CAMK2G: variants seen among roughly 807,000 people sequenced by gnomAD.
CAMK2G encodes the protein calcium/calmodulin dependent protein kinase II gamma, also known as calcium/calmodulin-dependent protein kinase type II subunit gamma.
Under a neutral mutation model 88.7 loss-of-function variants are expected in CAMK2G, and 23 were observed. That is an observed-to-expected ratio of 0.26 (90% confidence interval 0.19 to 0.37). The LOEUF is 0.37. Ranked by LOEUF, CAMK2G falls within the 10% of genes least tolerant of loss-of-function variation. The probability of loss-of-function intolerance (pLI) is 1.00; values close to 1 mark genes in which losing one functional copy is unlikely to be tolerated. For missense variants in CAMK2G, 476 were observed against 780.8 expected (o/e 0.61, Z 4.65); for synonymous variants, 263 against 294.8 (o/e 0.89, Z 1.11).
chr10:73,836,728 T>A lies in CAMK2G; in HGVS notation c.1053+740A>T, dbSNP rs531038802. Among the ~76,000 whole-genome samples the A allele has an allele frequency of 2.0e-5, 3 of 152,300 alleles. No individual in the cohort carries two copies. In the East Asian group the frequency reaches 5.8e-4, roughly 29 times the overall value. On this transcript the variant is annotated intron_variant, in intron 14 of 22. Coordinates refer to ENST00000423381, the MANE Select transcript of CAMK2G (RefSeq NM_001367534.1). ...CAAGATAGCATGAGCTCCTACCCAA[T>A]GCCCTAGCCCCAGGATCCTTTCTGC...
chr10:73,851,286 C>G (rs1398791032), intron 5 of CAMK2G, among the ~76,000 whole-genome samples: 2 of 152,304 alleles, frequency 1.3e-5, no homozygotes, highest in East Asian at 3.9e-4. Context: ...TCGAGAAAAG[C>G]AAGGCTGGGG....
At chr10:73,820,469 TA>T (rs2087666460) in intron 18 of CAMK2G, among the ~76,000 whole-genome samples, 24 of 37,636 alleles carry the variant, frequency 6.4e-4, no homozygotes, top group South Asian at 1.2e-3. Flanking sequence ...TATATTTATA[TA>T]TATATATATA....
chr10:73,873,174 A>T (rs1391588589), intron 1 of CAMK2G, 91 bp from the exon 2 acceptor site: 2 of 1,018,310 alleles, frequency 2.0e-6, no homozygotes, highest in Non-Finnish European at 3.1e-6. Flanking sequence ...TGCTCCCACC[A>T]CCAGACCTCT....
At chr10:73,820,663 ATTTTTT>A (rs1198716305) in intron 18 of CAMK2G, among the ~76,000 whole-genome samples, 42 of 46,128 alleles carry the variant, frequency 9.1e-4, no homozygotes, top group African/African-American at 4.9e-3. Context: ...CACCCGGCTA[ATTTTTT>A]TTTTTTTTTT....
chr10:73,861,474 G>C (rs576548365), intron 2 of CAMK2G, among the ~76,000 whole-genome samples: 63 of 152,292 alleles, frequency 4.1e-4, no homozygotes, highest in African/African-American at 1.5e-3. Context: ...TCCTGCCTCA[G>C]CCTCCCGAGT....
intron 14 of CAMK2G, among the ~76,000 whole-genome samples, chr10:73,835,959 C>T (rs374100453): frequency 1.3e-5 from 2 of 152,214 alleles, no homozygotes; most frequent in South Asian, 2.1e-4. Flanking sequence ...CTCAGACTCC[C>T]GAGTGGCTGG....
intron 2 of CAMK2G, among the ~76,000 whole-genome samples, chr10:73,872,266 C>A (rs2095859503): frequency 6.6e-6 from 1 of 152,102 alleles, no homozygotes; most frequent in Non-Finnish European, 1.5e-5. Context: ...GAGGATCTCG[C>A]AAGTGAGGCC....
chr10:73,859,279 G>A (rs998567409), intron 3 of CAMK2G, among the ~76,000 whole-genome samples: 3 of 152,350 alleles, frequency 2.0e-5, no homozygotes, highest in African/African-American at 4.8e-5. Flanking sequence ...CGGGCTGCAG[G>A]GGCAGCCACC....
chr10:73,848,640 G>A lies in CAMK2G; in HGVS notation c.518-31C>T, dbSNP rs774335221. ...GCAAAAGAGAGGGCAGAGGCATACT[G>A]AACCCACTTTCTCTCTCGTTAAATC... is the stretch of plus-strand genomic sequence containing the variant. On this transcript the variant is annotated intron_variant, in intron 7 of 22. Transcript: ENST00000423381. This position sits in a 1 kb window ranked among gnomAD's most constrained non-coding sequence, Gnocchi z 4.5. 1.5e-6 allele frequency: 2 copies of A among 1,309,000 alleles called. No individual in the cohort carries two copies. The highest frequency in any genetic ancestry group is 2.2e-6 in the Non-Finnish European group (2 of 916,008). 81.1% of individuals were successfully genotyped at this position (1,309,000 alleles called of 1,614,324 possible). A position where few individuals can be genotyped will look rare whatever the true frequency, so the allele number is the denominator to read the frequency against.
intron 14 of CAMK2G, among the ~76,000 whole-genome samples, chr10:73,832,029 G>A (rs1462052039): frequency 6.6e-6 from 1 of 150,678 alleles, no homozygotes; most frequent in Non-Finnish European, 1.5e-5. Context: ...GGGATTACCA[G>A]GCATGAGTTG....
chr10:73,858,699 C>T (rs992437271), intron 3 of CAMK2G, among the ~76,000 whole-genome samples: 15 of 152,210 alleles, frequency 9.9e-5, no homozygotes, highest in Admixed American at 3.3e-4. Context: ...ATGGTCCCTC[C>T]GCCTGCCTCC....
intron 22 of CAMK2G, 29 bp downstream of exon 22, chr10:73,814,974 A>AGCC: frequency 6.7e-7 from 1 of 1,498,786 alleles, no homozygotes; most frequent in Non-Finnish European, 9.2e-7. Flanking sequence ...AGGCCCTTCC[A>AGCC]GCCCCTCTCC....
At chr10:73,822,149 T>G (rs1293778857) in intron 17 of CAMK2G, among the ~76,000 whole-genome samples, 1 of 152,140 alleles carries the variant, frequency 6.6e-6, no homozygotes, top group African/African-American at 2.4e-5. Flanking sequence ...CTCCCTAACT[T>G]CCACACTTAC....
At chr10:73,833,655 G>C (rs2092816337) in intron 14 of CAMK2G, among the ~76,000 whole-genome samples, 1 of 151,092 alleles carries the variant, frequency 6.6e-6, no homozygotes, top group Non-Finnish European at 1.5e-5. Flanking sequence ...GAGTGCAGTG[G>C]TGTAATCCCA....
At chr10:73,824,267 C>G (rs916993505) in intron 16 of CAMK2G, among the ~76,000 whole-genome samples, 183 bp from the exon 17 acceptor site, 2 of 152,188 alleles carry the variant, frequency 1.3e-5, no homozygotes, top group African/African-American at 4.8e-5. Flanking sequence ...GCTGGGATAG[C>G]CCTGGATTTT....
chr10:73,829,496 C>T (rs187370880), intron 14 of CAMK2G, among the ~76,000 whole-genome samples: 109 of 151,916 alleles, frequency 7.2e-4, no homozygotes, highest in Non-Finnish European at 1.2e-3. Flanking sequence ...AGACTGGTTT[C>T]GCCATGTTGG....
Position 73,819,656 on chromosome 10 carries a change from A to AG in CAMK2G, c.1250-12dup, listed in dbSNP as rs1346873103. On this transcript the variant is annotated splice_polypyrimidine_tract_variant and intron_variant, in intron 18 of 22. Coordinates refer to ENST00000423381, the MANE Select transcript of CAMK2G (RefSeq NM_001367534.1). ...TGCGGAGCGGGGCAGCTAGCCAGCC[A>AG]GGGCAGGGCAGGGCAGGGCAAGGCA... The AG allele has an allele frequency of 6.9e-7, 1 of 1,441,884 alleles. No individual in the cohort carries two copies. The highest frequency in any genetic ancestry group is 9.4e-7 in the Non-Finnish European group (1 of 1,064,732). The allele number at this position is 1,441,884 out of a possible 1,614,324, so 89.3% of individuals were successfully genotyped here. A position where few individuals can be genotyped will look rare whatever the true frequency, so the allele number is the denominator to read the frequency against.
At position 73,821,678 on chromosome 10, in the gene CAMK2G, C is replaced by T. The variant is rs762855777; in HGVS notation, c.1249+4G>A. 4 of 1,609,564 alleles carry T rather than the reference C, an allele frequency of 2.5e-6. No individual in the cohort carries two copies. Among genetic ancestry groups the T allele is most frequent in the Admixed American group, 1.7e-5 (1 of 59,680 alleles). ...TCCTTCCCCCTCCAAGGGCCAGCAC[C>T]TACCTTTGAGGTCCTCATCTTCTGT... On this transcript the variant is annotated splice_donor_region_variant and intron_variant, in intron 18 of 22. Coordinates refer to ENST00000423381, the MANE Select transcript of CAMK2G (RefSeq NM_001367534.1).
intron 16 of CAMK2G, among the ~76,000 whole-genome samples, chr10:73,824,645 G>A (rs2090309970): frequency 6.6e-6 from 1 of 152,220 alleles, no homozygotes; most frequent in African/African-American, 2.4e-5. Flanking sequence ...GGGTCCGCAA[G>A]GAGGGGAGTA....
Sources: gnomAD v4.1 joint callset for allele counts (sites outside exome capture counted in the v4.1 genomes callset) on GRCh38, gnomAD v4.1.1 for gene constraint, Gnocchi (gnomAD v3.1) non-coding constraint, MANE v1.5 for transcripts, NCBI Gene and HGNC (gene_info 2026-07-23, HGNC 2026-07-21) for gene names.